Variants in PHIP observed in about 807,000 individuals in gnomAD.
The protein encoded by PHIP is PHIP subunit of CUL4-Ring ligase complex.
Under a neutral mutation model 236.8 loss-of-function variants are expected in PHIP, and 54 were observed. The observed-to-expected ratio is 0.23, with a 90% CI of 0.18 to 0.29. The LOEUF (loss-of-function observed/expected upper bound fraction) is 0.29. PHIP is among the 10% of genes least tolerant of loss of function. The pLI is 1.00. For synonymous variants in PHIP, 756 were observed against 718.9 expected (o/e 1.05, Z -0.83); for missense variants, 1,370 against 2,190.8 (o/e 0.63, Z 7.48).
chr6:79,035,964 C>A (rs112895199), intron 7 of PHIP, among the ~76,000 whole-genome samples: 1 of 152,234 alleles, frequency 6.6e-6, no homozygotes, highest in East Asian at 1.9e-4. Flanking sequence ...ATGACCAACC[C>A]GGTGTCAATC....
At position 78,958,534 on chromosome 6, in the gene PHIP, A is replaced by G. The variant is rs1471154058; in HGVS notation, c.3723T>C (p.Pro1241=). The G allele has an allele frequency of 6.3e-7, 1 of 1,575,404 alleles. No individual in the cohort carries two copies. The highest frequency in any genetic ancestry group is 2.2e-5 in the East Asian group (1 of 44,610). ...TAGCAGATTTCACAATAGGGCTTCC[A>G]GGCTCATTAAATGTTCGTGTATTAT... is the stretch of plus-strand genomic sequence containing the variant. ...IEHNTRTFNE[P]GSPIVKSAKF... is the part of the protein sequence containing the mutation. The change falls in exon 32 of 40, where the codon CCT becomes CCC. Residue 1241 remains proline, a synonymous_variant. Transcript: ENST00000275034.
chr6:79,028,831 G>C (rs749963144), intron 7 of PHIP, among the ~76,000 whole-genome samples: 6 of 152,134 alleles, frequency 3.9e-5, no homozygotes, highest in Non-Finnish European at 7.4e-5. Context: ...GAATAAGAGT[G>C]TGTTTTACAT....
intron 12 of PHIP, 114 bp from the exon 13 acceptor site, chr6:79,016,756 T>C (rs1321999653): frequency 3.3e-6 from 2 of 609,432 alleles, no homozygotes; most frequent in African/African-American, 3.7e-5. Context: ...TTATGCAGCA[T>C]TCTAATAACT....
At chr6:78,942,352 G>A (rs1181885808) in intron 39 of PHIP, among the ~76,000 whole-genome samples, 1 of 152,112 alleles carries the variant, frequency 6.6e-6, no homozygotes, top group Non-Finnish European at 1.5e-5. Context: ...GCGTGGTGGT[G>A]GGTGCCTGTA....
intron 30 of PHIP, 91 bp downstream of exon 30, chr6:78,963,006 T>C: frequency 8.0e-7 from 1 of 1,250,058 alleles, no homozygotes; most frequent in Non-Finnish European, 1.1e-6. Flanking sequence ...TAGGATATTG[T>C]GAAAAAAAAT....
intron 7 of PHIP, among the ~76,000 whole-genome samples, chr6:79,028,462 G>A (rs1449194945): frequency 6.6e-6 from 1 of 152,092 alleles, no homozygotes; most frequent in Non-Finnish European, 1.5e-5. Context: ...GGAATAAAAG[G>A]GATAAGGAGC....
At chr6:79,076,782 G>T (rs2127783719) in intron 4 of PHIP, among the ~76,000 whole-genome samples, 1 of 152,234 alleles carries the variant, frequency 6.6e-6, no homozygotes. Flanking sequence ...TCTGGTTTTA[G>T]GGAATTACAG....
chr6:79,002,126 T>G lies in PHIP; in HGVS notation c.1654-2A>C. 6.2e-7 allele frequency: 1 copy of G among 1,600,432 alleles called. No homozygotes were observed. The highest frequency in any genetic ancestry group is 8.6e-7 in the Non-Finnish European group (1 of 1,169,350). On this transcript the variant is annotated splice_acceptor_variant, in intron 16 of 39. Transcript: ENST00000275034. LOFTEE classifies it high-confidence loss of function. ...ATGAAAGAACATCTGATCTGCTATC[T>G]GCAAAAAGAAAAGTCCATAAAAGAC...
At chr6:79,005,335 A>G (rs1355303976) in intron 15 of PHIP, among the ~76,000 whole-genome samples, 2 of 152,012 alleles carry the variant, frequency 1.3e-5, no homozygotes, top group African/African-American at 2.4e-5. Context: ...CCAGATTACC[A>G]TAAGGGCACC....
chr6:79,060,595 T>C lies in PHIP; in HGVS notation c.341-19A>G, dbSNP rs1232929935. ...TTGCAGCCTATTAAACACATGTATT[T>C]TTATGCATACAAAGAACACAAAAAC... On this transcript the variant is annotated intron_variant, in intron 5 of 39. Coordinates refer to ENST00000275034, the MANE Select transcript of PHIP (RefSeq NM_017934.7). 2 of 1,611,280 alleles carry C rather than the reference T, an allele frequency of 1.2e-6. No homozygotes were observed. Among genetic ancestry groups the C allele is most frequent in the African/African-American group, 2.7e-5 (2 of 74,792 alleles).
At position 79,078,113 on chromosome 6, in the gene PHIP, G is replaced by T; in HGVS notation, c.-45C>A. On this transcript the variant is annotated 5_prime_UTR_variant, in exon 1 of 40. Transcript: ENST00000275034. ...GCCGCCGACGGGACACCCCGCCGCC[G>T]AGGGGAAGCGGGGACGGTGCCGCCG... 5 of 1,598,114 alleles carry T rather than the reference G, an allele frequency of 3.1e-6. No homozygotes were observed. Among genetic ancestry groups the T allele is most frequent in the Non-Finnish European group, 4.3e-6 (5 of 1,171,198 alleles).
chr6:78,945,770 C>T (rs192343114), intron 38 of PHIP: 88 of 587,776 alleles, frequency 1.5e-4, no homozygotes, highest in Non-Finnish European at 2.1e-5. Context: ...GATTTAAATT[C>T]AGGTAGTTTA....
In PHIP at chr6:79,057,010, G is replaced by A. The variant is rs150200066; in HGVS notation, c.439+3468C>T. 1.7e-4 allele frequency among the ~76,000 whole-genome samples: 26 copies of A among 152,220 alleles called. No individual in the cohort carries two copies. The East Asian group carries it at 4.6e-3, about 27-fold the overall frequency. ...AATAAACAGGTATTATTTATTAAAC[G>A]GACATAAGAAATGAACAGTAAATCT... On this transcript the variant is annotated intron_variant, in intron 6 of 39. Coordinates refer to ENST00000275034, the MANE Select transcript of PHIP (RefSeq NM_017934.7).
intron 15 of PHIP, among the ~76,000 whole-genome samples, chr6:79,007,085 T>C (rs1770327403): frequency 6.6e-6 from 1 of 152,038 alleles, no homozygotes; most frequent in Non-Finnish European, 1.5e-5. Flanking sequence ...ATACTACCAA[T>C]AAATGAGTAG....
chr6:79,077,404 G>A, intron 4 of PHIP, 44 bp downstream of exon 4: 2 of 1,509,648 alleles, frequency 1.3e-6, no homozygotes, highest in Non-Finnish European at 1.8e-6. Flanking sequence ...ATTTTTATTC[G>A]ACTCAGGGAA....
intron 32 of PHIP, chr6:78,957,597 T>G (rs1429115355): frequency 6.8e-6 from 1 of 146,414 alleles, no homozygotes; most frequent in African/African-American, 2.5e-5. Context: ...AAAAAAAAAC[T>G]GAATAATCCT....
At chr6:79,054,497 A>G (rs1257048757) in intron 6 of PHIP, among the ~76,000 whole-genome samples, 3 of 151,770 alleles carry the variant, frequency 2.0e-5, no homozygotes, top group African/African-American at 7.2e-5. Flanking sequence ...AACTAGGAAT[A>G]AAGTATGGAT....
rs114716650 is a variant in PHIP at position 79,054,739 on chromosome 6, C to A, written c.439+5739G>T. Among the ~76,000 whole-genome samples the A allele has an allele frequency of 3.5e-4, 53 of 149,860 alleles. No homozygotes were observed. The South Asian group carries it at 9.2e-3, about 26-fold the overall frequency. The stretch of plus-strand genomic sequence containing the variant: ...AACCTAAGAGTCTAAGAAAAAAAAA[C>A]CTTGATTGAATAAATTTAAGAAATT... On this transcript the variant is annotated intron_variant, in intron 6 of 39. Coordinates refer to ENST00000275034, the MANE Select transcript of PHIP (RefSeq NM_017934.7).
chr6:78,973,878 A>T (rs1485528986), intron 24 of PHIP, among the ~76,000 whole-genome samples: 1 of 151,770 alleles, frequency 6.6e-6, no homozygotes, highest in African/African-American at 2.4e-5. Context: ...TCATAAAGCA[A>T]GTCTTGAGTG....
Sources: allele counts gnomAD v4.1 joint callset (sites outside exome capture counted in the v4.1 genomes callset), GRCh38; gene constraint gnomAD v4.1.1; transcripts MANE v1.5; gene names NCBI Gene and HGNC (gene_info 2026-07-23, HGNC 2026-07-21).